EPC2: variants seen among roughly 807,000 people sequenced by gnomAD.
EPC2 encodes enhancer of polycomb homolog 2.
A neutral mutation model predicts 92.1 loss-of-function variants in EPC2; 14 were observed. The observed-to-expected ratio is 0.15, with a 90% CI of 0.10 to 0.24. The LOEUF (loss-of-function observed/expected upper bound fraction) is 0.24, where lower values mean the gene tolerates loss of function less well. Among genes scored for constraint, EPC2 ranks in the 10% least tolerant of loss-of-function variants. The probability of loss-of-function intolerance (pLI) is 1.00; values close to 1 mark genes in which losing one functional copy is unlikely to be tolerated. For synonymous variants in EPC2, 340 were observed against 334.7 expected, an observed-to-expected ratio of 1.02 and a Z score of -0.17; for missense variants, 755 against 971.5, an observed-to-expected ratio of 0.78 and a Z score of 2.96.
intron 1 of EPC2, among the ~76,000 whole-genome samples, chr2:148,646,107 C>T (rs1379939535): frequency 6.6e-6 from 1 of 152,108 alleles, no homozygotes; most frequent in African/African-American, 2.4e-5. Context: ...TACTTGCGTG[C>T]GAAGTTCATA....
chr2:148,690,136 C>A, intron 1 of EPC2, 78 bp from the exon 2 acceptor site: 1 of 1,351,776 alleles, frequency 7.4e-7, no homozygotes, highest in Non-Finnish European at 9.9e-7. Context: ...GATTATTAAA[C>A]AAAGTAACTT....
chr2:148,748,710 A>G (rs964782927), intron 3 of EPC2, among the ~76,000 whole-genome samples: 10 of 152,066 alleles, frequency 6.6e-5, no homozygotes, highest in African/African-American at 2.4e-4. Flanking sequence ...ACAATATTTT[A>G]AATAATTTTG....
chr2:148,771,214 T>C lies in EPC2; in HGVS notation c.1547T>C (p.Ile516Thr). 6.2e-7 allele frequency: 1 copy of C among 1,613,984 alleles called. No individual in the cohort carries two copies. The highest frequency in any genetic ancestry group is 8.5e-7 in the Non-Finnish European group (1 of 1,179,878). The change falls in exon 10 of 14, where the codon ATA (isoleucine) becomes ACA (threonine). Residue 516 changes from isoleucine to threonine, a missense_variant. Physicochemically the swap from Ile to Thr is moderately conservative, Grantham distance 89 (BLOSUM62 -1). Around this residue, in one of 4 missense-constraint regions of EPC2, gnomAD observed 509 missense variants for 607.7 expected, o/e 0.84. Coordinates refer to ENST00000258484, the MANE Select transcript of EPC2 (RefSeq NM_015630.4). The stretch of plus-strand genomic sequence containing the variant: ...GAAAATAGACTGTCTCTTTCTGAAA[T>C]ATTAAGCAATATCAGATCATGTCGA... ...HCENRLSLSE[I>T]LSNIRSCRLQ...
At chr2:148,700,345 T>C (rs1264456272) in intron 2 of EPC2, among the ~76,000 whole-genome samples, 2 of 152,198 alleles carry the variant, frequency 1.3e-5, no homozygotes, top group African/African-American at 4.8e-5. Flanking sequence ...TCTAAAAGTT[T>C]TGTAGACTGC....
chr2:148,715,441 T>C (rs545207162), intron 2 of EPC2, among the ~76,000 whole-genome samples: 1 of 152,364 alleles, frequency 6.6e-6, no homozygotes, highest in Admixed American at 6.5e-5. Context: ...TTTCTGCATA[T>C]GGCTAGCCAG....
In EPC2 at chr2:148,771,250, T is replaced by A. The variant is rs1264931496; in HGVS notation, c.1583T>A (p.Phe528Tyr). 4 of 1,613,878 alleles carry A rather than the reference T, an allele frequency of 2.5e-6. No individual in the cohort carries two copies. Among genetic ancestry groups the A allele is most frequent in the African/African-American group, 2.7e-5 (2 of 74,932 alleles). Residue 528 changes from phenylalanine to tyrosine, a missense_variant, in exon 10 of 14, where the codon TTC (phenylalanine) becomes TAC (tyrosine). Physicochemically the swap from Phe to Tyr is conservative, Grantham distance 22. This residue lies in a region of EPC2 where 509 missense variants were observed against 607.7 expected (regional missense o/e 0.84). Coordinates refer to ENST00000258484, the MANE Select transcript of EPC2 (RefSeq NM_015630.4). ...SNIRSCRLQC[F>Y]QPRLLNLQDS... is the part of the protein sequence containing the mutation. ...ATCAGATCATGTCGACTACAGTGTTTCCAGCCAAGGCTACTAAATTTACAG... is the reference window on the plus strand; with the variant it reads ...ATCAGATCATGTCGACTACAGTGTTACCAGCCAAGGCTACTAAATTTACAG...
rs1355558505 is a variant in EPC2 at position 148,708,538 on chromosome 2, C to T, written c.313+18165C>T. Among the ~76,000 whole-genome samples, 14 of 152,042 alleles carry T rather than the reference C, an allele frequency of 9.2e-5. No individual in the cohort carries two copies. The South Asian group carries it at 2.7e-3, about 29-fold the overall frequency. ...ATACCAAAGCCTGGCAGAGACACAA[C>T]AAAAAAGGAGAATTTTAGACCAATA... On this transcript the variant is annotated intron_variant, in intron 2 of 13. Coordinates refer to ENST00000258484, the MANE Select transcript of EPC2 (RefSeq NM_015630.4).
intron 3 of EPC2, among the ~76,000 whole-genome samples, chr2:148,748,202 C>A (rs979685617): frequency 6.6e-6 from 1 of 152,050 alleles, no homozygotes; most frequent in Non-Finnish European, 1.5e-5. Flanking sequence ...TTCTTCTGCT[C>A]CCACCACATA....
At chr2:148,650,056 G>T (rs1680640392) in intron 1 of EPC2, among the ~76,000 whole-genome samples, 1 of 152,046 alleles carries the variant, frequency 6.6e-6, no homozygotes, top group Non-Finnish European at 1.5e-5. Context: ...AGAAATTTGT[G>T]GGAAACTGTC....
chr2:148,760,652 A>G (rs1683285433), intron 4 of EPC2, among the ~76,000 whole-genome samples: 2 of 152,246 alleles, frequency 1.3e-5, no homozygotes. Flanking sequence ...GAAAAAGATG[A>G]ATTTTTTAAA....
intron 1 of EPC2, among the ~76,000 whole-genome samples, chr2:148,661,114 G>A (rs936094255): frequency 6.6e-6 from 1 of 152,024 alleles, no homozygotes; most frequent in Non-Finnish European, 1.5e-5. Flanking sequence ...AATGTTGGCA[G>A]TTTTACTGGG....
chr2:148,736,514 G>C (rs925775174), intron 2 of EPC2, among the ~76,000 whole-genome samples: 2 of 152,014 alleles, frequency 1.3e-5, no homozygotes, highest in Non-Finnish European at 2.9e-5. Flanking sequence ...GGTCCTAGGG[G>C]TGTTCATTAC....
At chr2:148,719,011 T>C (rs973061860) in intron 2 of EPC2, among the ~76,000 whole-genome samples, 2 of 152,112 alleles carry the variant, frequency 1.3e-5, no homozygotes, top group Non-Finnish European at 2.9e-5. Context: ...TAAGATTCTT[T>C]CCTCTGCTTG....
intron 2 of EPC2, among the ~76,000 whole-genome samples, chr2:148,694,210 G>A (rs563364898): frequency 2.6e-4 from 39 of 152,284 alleles, no homozygotes; most frequent in Middle Eastern, 3.4e-3. Context: ...AACCCGCTGT[G>A]TTAGAAATTA....
intron 1 of EPC2, among the ~76,000 whole-genome samples, chr2:148,687,385 T>C (rs549713993): frequency 6.6e-6 from 1 of 152,298 alleles, no homozygotes; most frequent in East Asian, 1.9e-4. Context: ...TTCGTTATTA[T>C]TTGTGTGTTC....
intron 1 of EPC2, among the ~76,000 whole-genome samples, chr2:148,685,708 A>T (rs2105369035): frequency 6.6e-6 from 1 of 152,360 alleles, no homozygotes; most frequent in African/African-American, 2.4e-5. Flanking sequence ...CAGAGCCTGC[A>T]GTGAGCCAAG....
intron 2 of EPC2, among the ~76,000 whole-genome samples, chr2:148,730,554 G>T (rs907805035): frequency 6.6e-6 from 1 of 152,174 alleles, no homozygotes; most frequent in African/African-American, 2.4e-5. Context: ...TACTGGATCA[G>T]AAACTGATGA....
chr2:148,732,424 A>G (rs1331039899), intron 2 of EPC2, among the ~76,000 whole-genome samples: 2 of 137,974 alleles, frequency 1.4e-5, no homozygotes, highest in African/African-American at 5.5e-5. Flanking sequence ...TCTGTTGCGT[A>G]GGCTAGAGTG....
intron 7 of EPC2, among the ~76,000 whole-genome samples, chr2:148,767,927 A>G (rs187714497): frequency 6.6e-6 from 1 of 152,306 alleles, no homozygotes; most frequent in East Asian, 1.9e-4. Flanking sequence ...TGTAAAATTC[A>G]CGTTTGGGAT....
Sources: gnomAD v4.1 joint callset for allele counts (sites outside exome capture counted in the v4.1 genomes callset) on GRCh38, gnomAD v4.1.1 for gene constraint, gnomAD v4.1.1 regional missense constraint, MANE v1.5 for transcripts, NCBI Gene and HGNC (gene_info 2026-07-23, HGNC 2026-07-21) for gene names.